Variants in COL28A1 observed in about 807,000 individuals in gnomAD.
The protein encoded by COL28A1 is collagen alpha-1(XXVIII) chain.
A neutral mutation model predicts 150.2 loss-of-function variants in COL28A1; 161 were observed. The observed-to-expected ratio is 1.07, with a 90% CI of 0.94 to 1.22. COL28A1 has a LOEUF of 1.22. Ranked by LOEUF, COL28A1 falls within the 50% of genes most tolerant of loss-of-function variation. COL28A1 has a pLI of 0.00. For synonymous variants in COL28A1, 552 were observed against 469.7 expected (o/e 1.18, Z -2.26); for missense variants, 1,617 against 1,388.3 (o/e 1.16, Z -2.62).
At chr7:7,396,341 A>AT (rs1218092012) in intron 27 of COL28A1, among the ~76,000 whole-genome samples, 1 of 152,196 alleles carries the variant, frequency 6.6e-6, no homozygotes, top group African/African-American at 2.4e-5. Flanking sequence ...TATATACATG[A>AT]TAAAACCAAG....
At chr7:7,463,314 C>A (rs1049466740) in intron 15 of COL28A1, among the ~76,000 whole-genome samples, 1 of 152,122 alleles carries the variant, frequency 6.6e-6, no homozygotes, top group Non-Finnish European at 1.5e-5. Context: ...AATTGTAATT[C>A]TTTAATAACA....
chr7:7,452,803 C>G lies in COL28A1; in HGVS notation c.1441-416G>C, dbSNP rs1331662585. ...TCAAGGCAGGCCCCAAATCAAAACT[C>G]TCAAGAATAGTCAGAGTGGTCCATT... On this transcript the variant is annotated intron_variant, in intron 17 of 34. Coordinates refer to ENST00000399429, the MANE Select transcript of COL28A1 (RefSeq NM_001037763.3). Among the ~76,000 whole-genome samples, 3 of 152,286 alleles carry G rather than the reference C, an allele frequency of 2.0e-5. No homozygotes were observed. The East Asian group carries it at 5.8e-4, about 29-fold the overall frequency.
chr7:7,397,356 C>T (rs545859616), intron 27 of COL28A1, among the ~76,000 whole-genome samples: 1 of 152,212 alleles, frequency 6.6e-6, no homozygotes, highest in East Asian at 1.9e-4. Flanking sequence ...ATATTCAAGG[C>T]CCACCCAGAT....
the COL28A1 span, among the ~76,000 whole-genome samples, chr7:7,348,472 G>T: frequency 6.8e-6 from 1 of 147,916 alleles, no homozygotes; most frequent in African/African-American, 2.7e-5. Flanking sequence ...ACTCTCACTC[G>T]CTCACTCTCC....
At chr7:7,463,276 G>A (rs1163584055) in intron 15 of COL28A1, among the ~76,000 whole-genome samples, 6 of 152,170 alleles carry the variant, frequency 3.9e-5, no homozygotes, top group Non-Finnish European at 7.3e-5. Context: ...CTTAACAGCT[G>A]TGAGGCAAAA....
At chr7:7,421,028 G>A (rs1168929508) in intron 25 of COL28A1, among the ~76,000 whole-genome samples, 1 of 152,176 alleles carries the variant, frequency 6.6e-6, no homozygotes, top group African/African-American at 2.4e-5. Context: ...TCCACTTAGA[G>A]ACTTGCATAT....
rs1310987233 is a variant in COL28A1 at position 7,374,054 on chromosome 7, T to TATATATATA, written c.2360-509_2360-508insTATATATAT. ...AAAAAAAAAAATATATATATATATA[T>TATATATATA]ATATATACTTGGAAAAACACCGTAG... On this transcript the variant is annotated intron_variant, in intron 31 of 34. Coordinates refer to ENST00000399429, the MANE Select transcript of COL28A1 (RefSeq NM_001037763.3). 1.9e-3 allele frequency among the ~76,000 whole-genome samples: 277 copies of TATATATATA among 142,516 alleles called. 3 individuals are homozygous for TATATATATA. Among genetic ancestry groups the TATATATATA allele is most frequent in the African/African-American group, 7.3e-3 (269 of 36,872 alleles). 93.5% of individuals were successfully genotyped at this position (142,516 alleles called of 152,430 possible).
chr7:7,357,183 G>A (rs1027949073), downstream of COL28A1: 3 of 152,136 alleles, frequency 2.0e-5, no homozygotes, highest in Non-Finnish European at 2.9e-5. Flanking sequence ...CTGGGTAACT[G>A]GGATTACAGG....
At chr7:7,516,082 C>T (rs7791808) in intron 7 of COL28A1, among the ~76,000 whole-genome samples, 140,603 of 152,302 alleles carry the variant, frequency 0.92, 64,917 homozygotes, top group East Asian at 0.93. Flanking sequence ...AGGTATTTTT[C>T]CATATCCAGT....
rs182871202 is a variant in COL28A1 at position 7,384,760 on chromosome 7, C to T, written c.2137-3148G>A. Among the ~76,000 whole-genome samples the T allele has an allele frequency of 2.0e-5, 3 of 152,210 alleles. No individual in the cohort carries two copies. The East Asian group carries it at 5.8e-4, about 29-fold the overall frequency. On this transcript the variant is annotated intron_variant, in intron 27 of 34. Coordinates refer to ENST00000399429, the MANE Select transcript of COL28A1 (RefSeq NM_001037763.3). Reference sequence around the variant, plus strand: ...CTTGATATCATTGGGAGCCCCAGAACCCTGGATAGGAATTTGTACCAGTTA... The same window carrying T: ...CTTGATATCATTGGGAGCCCCAGAATCCTGGATAGGAATTTGTACCAGTTA...
intron 16 of COL28A1, 26 bp downstream of exon 16, chr7:7,456,018 A>G: frequency 1.2e-6 from 2 of 1,613,504 alleles, no homozygotes; most frequent in East Asian, 4.5e-5. Context: ...TCTGCACTGA[A>G]GGGAAAGGAA....
intron 9 of COL28A1, among the ~76,000 whole-genome samples, chr7:7,508,897 A>T (rs529582029): frequency 6.6e-6 from 1 of 151,970 alleles, no homozygotes; most frequent in Non-Finnish European, 1.5e-5. Context: ...GCAATGGCAC[A>T]ATCTCGGTCC....
rs567609172 is a variant in COL28A1, at chr7:7,398,306, T to C, written c.2137-16694A>G. Among the ~76,000 whole-genome samples, 7 of 152,318 alleles carry C rather than the reference T, an allele frequency of 4.6e-5. No individual in the cohort carries two copies. The South Asian group carries it at 6.2e-4, about 14-fold the overall frequency. On this transcript the variant is annotated intron_variant, in intron 27 of 34. Coordinates refer to ENST00000399429, the MANE Select transcript of COL28A1 (RefSeq NM_001037763.3). ...CAGTCAAATGTTCTCCATTTGGAGA[T>C]TGTTTCCTGCAATCATTTTCTTAAA...
chr7:7,390,784 T>A (rs901271982), intron 27 of COL28A1, among the ~76,000 whole-genome samples: 1 of 152,212 alleles, frequency 6.6e-6, no homozygotes, highest in Non-Finnish European at 1.5e-5. Context: ...TGCATAGAGG[T>A]ATTTATAGTA....
chr7:7,349,157 A>G, the COL28A1 span, among the ~76,000 whole-genome samples: 1 of 152,176 alleles, frequency 6.6e-6, no homozygotes, highest in Non-Finnish European at 1.5e-5. Context: ...TATAGTTTAG[A>G]AATATTTAAG....
chr7:7,418,559 A>C lies in COL28A1; in HGVS notation c.2068-632T>G, dbSNP rs376742784. On this transcript the variant is annotated intron_variant, in intron 26 of 34. Transcript: ENST00000399429. ...CTAATATAGTAGACTAATGGCTCTA[A>C]CAAGTCCCACAGTAAAGAAATTAGT... is the stretch of plus-strand genomic sequence containing the variant. Among the ~76,000 whole-genome samples, 9 of 152,312 alleles carry C rather than the reference A, an allele frequency of 5.9e-5. 1 individual carries two copies. The highest frequency in any genetic ancestry group is 2.2e-4 in the African/African-American group (9 of 41,574).
At chr7:7,490,920 A>C (rs940757235) in intron 11 of COL28A1, among the ~76,000 whole-genome samples, 1 of 152,226 alleles carries the variant, frequency 6.6e-6, no homozygotes, top group Non-Finnish European at 1.5e-5. Context: ...GATTCAAAAT[A>C]AAAATAAACA....
At chr7:7,386,933 G>A (rs1378550375) in intron 27 of COL28A1, among the ~76,000 whole-genome samples, 1 of 152,150 alleles carries the variant, frequency 6.6e-6, no homozygotes, top group Non-Finnish European at 1.5e-5. Context: ...GTCTGGTGAG[G>A]GTCCATTTCC....
Position 7,474,250 on chromosome 7 carries a change from A to G in COL28A1, c.1302+351T>C, listed in dbSNP as rs1456167661. 2.6e-5 allele frequency among the ~76,000 whole-genome samples: 4 copies of G among 151,842 alleles called. No individual in the cohort carries two copies. The South Asian group carries it at 8.3e-4, about 32-fold the overall frequency. ...GTGGGAGCTAAGTTATGAGGACGCA[A>G]AGGCATAAGAAAGACACAGAGGACT... On this transcript the variant is annotated intron_variant, in intron 15 of 34. Transcript: ENST00000399429.
Sources: allele counts gnomAD v4.1 joint callset (sites outside exome capture counted in the v4.1 genomes callset), GRCh38; gene constraint gnomAD v4.1.1; transcripts MANE v1.5; gene names NCBI Gene and HGNC (gene_info 2026-07-23, HGNC 2026-07-21).